Variants in DCP2 observed in about 807,000 individuals in gnomAD.
DCP2 encodes decapping mRNA 2, also known as m7GpppN-mRNA hydrolase.
Under a neutral mutation model 56.1 loss-of-function variants are expected in DCP2, and 30 were observed. The ratio of observed to expected loss-of-function variants is 0.53; its 90% CI spans 0.40 to 0.73. DCP2 has a LOEUF of 0.73. Ranked by LOEUF, DCP2 falls within the 30% of genes least tolerant of loss-of-function variation. The pLI is 0.00. For missense variants in DCP2, 533 were observed against 502.7 expected (o/e 1.06, Z -0.58); for synonymous variants, 197 against 163.3 (o/e 1.21, Z -1.57).
chr5:112,982,514 C>G (rs1748055983), intron 1 of DCP2, among the ~76,000 whole-genome samples: 1 of 152,170 alleles, frequency 6.6e-6, no homozygotes, highest in African/African-American at 2.4e-5. Context: ...TAAACTGAGT[C>G]CTTTAATGTG....
At chr5:113,012,133 A>T (rs973568911) in intron 10 of DCP2, among the ~76,000 whole-genome samples, 1 of 152,192 alleles carries the variant, frequency 6.6e-6, no homozygotes, top group Non-Finnish European at 1.5e-5. Flanking sequence ...AAAGCCGTAT[A>T]TTCAGGGACA....
intron 2 of DCP2, among the ~76,000 whole-genome samples, chr5:112,991,399 TTTAC>T (rs1206879183): frequency 6.6e-6 from 1 of 152,170 alleles, no homozygotes; most frequent in Non-Finnish European, 1.5e-5. Context: ...GGGTTTGGAT[TTTAC>T]TTACTTTACT....
chr5:112,982,013 C>T (rs1748029851), intron 1 of DCP2, among the ~76,000 whole-genome samples: 1 of 152,182 alleles, frequency 6.6e-6, no homozygotes, highest in Non-Finnish European at 1.5e-5. Flanking sequence ...GGTGATCCGC[C>T]TGCCATGGCC....
intron 8 of DCP2, among the ~76,000 whole-genome samples, chr5:113,006,674 C>G (rs1302509377): frequency 6.6e-6 from 1 of 152,050 alleles, no homozygotes; most frequent in Non-Finnish European, 1.5e-5. Flanking sequence ...AGCCAGTCCT[C>G]AAATAGCTAT....
At chr5:112,997,546 T>G (rs987898206) in intron 4 of DCP2, among the ~76,000 whole-genome samples, 9 of 152,180 alleles carry the variant, frequency 5.9e-5, no homozygotes, top group African/African-American at 1.9e-4. Flanking sequence ...GGATGAAGAT[T>G]ATAGACAGGA....
At chr5:112,986,295 C>T (rs1203019663) in intron 2 of DCP2, among the ~76,000 whole-genome samples, 2 of 151,570 alleles carry the variant, frequency 1.3e-5, no homozygotes, top group South Asian at 2.1e-4. Flanking sequence ...ACCAGATGAT[C>T]TTTTAATCAG....
intron 2 of DCP2, among the ~76,000 whole-genome samples, chr5:112,986,306 A>C (rs189267258): frequency 6.6e-6 from 1 of 151,404 alleles, no homozygotes; most frequent in Non-Finnish European, 1.5e-5. Context: ...TTTTAATCAG[A>C]TTACTGCCTT....
At chr5:113,010,597 T>C (rs927677517) in intron 9 of DCP2, among the ~76,000 whole-genome samples, 159 bp from the exon 10 acceptor site, 1 of 152,150 alleles carries the variant, frequency 6.6e-6, no homozygotes, top group African/African-American at 2.4e-5. Flanking sequence ...AAATACAAAA[T>C]ACAAAAATAC....
At chr5:112,982,048 G>A (rs1354693717) in intron 1 of DCP2, among the ~76,000 whole-genome samples, 4 of 152,156 alleles carry the variant, frequency 2.6e-5, no homozygotes, top group African/African-American at 2.4e-5. Context: ...GATTACAGGC[G>A]GGAGCCACCA....
At chr5:112,992,269 A>G (rs1748629718) in intron 3 of DCP2, 21 bp downstream of exon 3, 6 of 1,598,942 alleles carry the variant, frequency 3.8e-6, no homozygotes, top group Non-Finnish European at 4.3e-6. Context: ...TGAAATAAAG[A>G]TTTTTAGTGA....
chr5:112,994,483 T>C (rs1460272614), intron 4 of DCP2, among the ~76,000 whole-genome samples: 1 of 152,190 alleles, frequency 6.6e-6, no homozygotes, highest in African/African-American at 2.4e-5. Flanking sequence ...TCATTCTTAC[T>C]TAAAATTCTA....
At position 113,004,046 on chromosome 5, in the gene DCP2, A is replaced by C; in HGVS notation, c.911A>C (p.His304Pro). ...CTGCAGCAAAAGCCATATAATAATCATTCTGAAATGTCTGACCTTTTAAAA... is the reference window on the plus strand; with the variant it reads ...CTGCAGCAAAAGCCATATAATAATCCTTCTGAAATGTCTGACCTTTTAAAA... ...QPLQQKPYNN[H>P]SEMSDLLKGK... The change falls in exon 8 of 11, where the codon CAT becomes CCT. Residue 304 changes from histidine (H) to proline (P), a missense_variant. Around this residue, in one of 3 missense-constraint regions of DCP2, gnomAD observed 392 missense variants for 346.6 expected, o/e 1.13. Transcript: ENST00000389063. 6.2e-7 allele frequency: 1 copy of C among 1,614,130 alleles called. No homozygotes were observed. The highest frequency in any genetic ancestry group is 8.5e-7 in the Non-Finnish European group (1 of 1,179,996).
At position 113,010,733 on chromosome 5, in the gene DCP2, GTGTT is replaced by G. The variant is rs759309056; in HGVS notation, c.1048-21_1048-18del. Reference sequence around the variant, plus strand: ...GACTGTGTTGTATGTGTGTGTGTGTGTGTTTTTTTTTTTTTTAAATAGAAGTGTG... The same window carrying G: ...GACTGTGTTGTATGTGTGTGTGTGTGTTTTTTTTTTTTAAATAGAAGTGTG... On this transcript the variant is annotated intron_variant, in intron 9 of 10. Coordinates refer to ENST00000389063, the MANE Select transcript of DCP2 (RefSeq NM_152624.6). 1.3e-4 allele frequency: 169 copies of G among 1,337,954 alleles called. No individual in the cohort carries two copies. The highest frequency in any genetic ancestry group is 2.8e-4 in the Admixed American group (10 of 35,840). 82.9% of individuals were successfully genotyped at this position (1,337,954 alleles called of 1,614,324 possible).
intron 8 of DCP2, 77 bp downstream of exon 8, chr5:113,004,154 C>T (rs1749307004): frequency 9.3e-6 from 14 of 1,505,944 alleles, no homozygotes; most frequent in Middle Eastern, 1.9e-4. Context: ...TGGAGAATTA[C>T]ATCTTAATAG....
At chr5:112,992,297 T>C (rs770073497) in intron 3 of DCP2, 49 bp downstream of exon 3, 6 of 1,572,390 alleles carry the variant, frequency 3.8e-6, no homozygotes, top group Non-Finnish European at 4.3e-6. Flanking sequence ...ATCGTTAATC[T>C]GTTAACAAAA....
Position 113,001,596 on chromosome 5 carries a change from T to G in DCP2, c.728T>G (p.Phe243Cys). The G allele has an allele frequency of 6.2e-7, 1 of 1,614,204 alleles. No individual in the cohort carries two copies. The highest frequency in any genetic ancestry group is 2.2e-5 in the East Asian group (1 of 44,870). The change falls in exon 7 of 11, where the codon TTT becomes TGT. Residue 243 changes from phenylalanine (F) to cysteine (C), a missense_variant. This residue lies in a region of DCP2 where 392 missense variants were observed against 346.6 expected (regional missense o/e 1.13). Transcript: ENST00000389063. Reference protein sequence around the residue: ...RPLRDWLSRRFGDSSDSDNGF... With the variant: ...RPLRDWLSRRCGDSSDSDNGF... Reference sequence around the variant, plus strand: ...TTAAGGGACTGGCTTTCTCGAAGATTTGGCGATTCCTCAGACAGTGACAAT... The same window carrying G: ...TTAAGGGACTGGCTTTCTCGAAGATGTGGCGATTCCTCAGACAGTGACAAT...
intron 3 of DCP2, among the ~76,000 whole-genome samples, 155 bp downstream of exon 3, chr5:112,992,403 T>C (rs984357701): frequency 2.6e-5 from 4 of 152,216 alleles, no homozygotes; most frequent in African/African-American, 9.6e-5. Context: ...ATCCGCATGC[T>C]ATGTCTGCAG....
chr5:113,004,763 T>C (rs1334039070), intron 8 of DCP2, among the ~76,000 whole-genome samples: 1 of 152,216 alleles, frequency 6.6e-6, no homozygotes, highest in East Asian at 1.9e-4. Context: ...TGCACATCTT[T>C]ACTAATACTT....
Position 112,993,970 on chromosome 5 carries a change from A to T in DCP2, c.432+1200A>T, listed in dbSNP as rs148174521. ...AGTTTTAATTTTTATTTATTTATTT[A>T]TTTATTTACTTATAGAGGCAAAGTC... On this transcript the variant is annotated intron_variant, in intron 4 of 10. Coordinates refer to ENST00000389063, the MANE Select transcript of DCP2 (RefSeq NM_152624.6). 1.1e-4 allele frequency among the ~76,000 whole-genome samples: 17 copies of T among 151,430 alleles called. No homozygotes were observed. The East Asian group carries it at 2.9e-3, about 26-fold the overall frequency.
Sources: allele counts gnomAD v4.1 joint callset (sites outside exome capture counted in the v4.1 genomes callset), GRCh38; gene constraint gnomAD v4.1.1; regional missense constraint gnomAD v4.1.1; transcripts MANE v1.5; gene names NCBI Gene and HGNC (gene_info 2026-07-23, HGNC 2026-07-21).